IFT52: variants seen among roughly 807,000 people sequenced by gnomAD.
IFT52 encodes the protein intraflagellar transport protein 52 homolog.
IFT52 carries 44 observed loss-of-function variants against 54.4 expected under a neutral mutation model. That is an observed-to-expected ratio of 0.81 (90% CI 0.63 to 1.04). IFT52 has a LOEUF of 1.04. Ranked by LOEUF, IFT52 falls within the 50% of genes least tolerant of loss-of-function variation. The pLI is 0.00. For synonymous variants in IFT52, 181 were observed against 185.3 expected (o/e 0.98, Z 0.19); for missense variants, 452 against 523.6 (o/e 0.86, Z 1.33).
rs1984265660 is a variant in IFT52 at position 43,621,085 on chromosome 20, A to T, written c.768+160A>T. ...GGGAGATGAAGGCCATATTGTAAAA[A>T]ATAAGTCAATAAACAATATATGTAA... is the stretch of plus-strand genomic sequence containing the variant. On this transcript the variant is annotated intron_variant, in intron 9 of 13. Transcript: ENST00000373030. 5.4e-6 allele frequency: 3 copies of T among 553,162 alleles called. No homozygotes were observed. The African/African-American group carries it at 5.7e-5, about 10-fold the overall frequency. The allele number at this position is 553,162 out of a possible 1,614,324, so 34.3% of individuals were successfully genotyped here.
intron 12 of IFT52, among the ~76,000 whole-genome samples, chr20:43,641,442 T>C (rs1985915095): frequency 6.6e-6 from 1 of 151,726 alleles, no homozygotes; most frequent in Non-Finnish European, 1.5e-5. Flanking sequence ...TTCTCCATGT[T>C]GGTCAGGCTG....
intron 3 of IFT52, among the ~76,000 whole-genome samples, chr20:43,598,784 A>G (rs1259038955): frequency 2.6e-5 from 4 of 152,206 alleles, no homozygotes; most frequent in East Asian, 1.9e-4. Flanking sequence ...GTTTTTTCAC[A>G]GTCAATAAAA....
intron 12 of IFT52, chr20:43,642,196 G>T: frequency 3.2e-6 from 1 of 309,428 alleles, no homozygotes; most frequent in Admixed American, 4.7e-5. Flanking sequence ...TCCTACTGTT[G>T]CACCTGTTCT....
chr20:43,615,815 G>A (rs150272816), intron 7 of IFT52, among the ~76,000 whole-genome samples: 3 of 152,228 alleles, frequency 2.0e-5, no homozygotes, highest in Middle Eastern at 3.4e-3. Flanking sequence ...GGTGGCACGC[G>A]CCTGTAATCC....
intron 9 of IFT52, among the ~76,000 whole-genome samples, chr20:43,622,908 GTC>G (rs1984449541): frequency 6.6e-6 from 1 of 151,184 alleles, no homozygotes; most frequent in Non-Finnish European, 1.5e-5. Flanking sequence ...TCTTTTACTA[GTC>G]CACAGCATGT....
chr20:43,637,428 A>G lies in IFT52; in HGVS notation c.1120+175A>G, dbSNP rs537751383. Among the ~76,000 whole-genome samples, 20 of 152,132 alleles carry G rather than the reference A, an allele frequency of 1.3e-4. No individual in the cohort carries two copies. In the South Asian group the frequency reaches 3.5e-3, roughly 27 times the overall value. On this transcript the variant is annotated intron_variant, in intron 12 of 13. Coordinates refer to ENST00000373030, the MANE Select transcript of IFT52 (RefSeq NM_016004.5). The stretch of plus-strand genomic sequence containing the variant: ...CAGGCATGCGCCACCACGCCCAGCT[A>G]ATTTTTGTATTTTTAGTAGAGACGG...
intron 2 of IFT52, among the ~76,000 whole-genome samples, chr20:43,596,124 T>A (rs1197744298): frequency 1.3e-5 from 2 of 152,190 alleles, no homozygotes; most frequent in Admixed American, 6.5e-5. Context: ...TCTTAATAGG[T>A]GAGGATATGT....
At chr20:43,642,905 G>A (rs1269021053) in intron 13 of IFT52, among the ~76,000 whole-genome samples, 6 of 152,034 alleles carry the variant, frequency 3.9e-5, no homozygotes, top group Non-Finnish European at 7.4e-5. Context: ...AGTGGCTCAC[G>A]CCTGTAATCC....
At position 43,613,920 on chromosome 20, in the gene IFT52, A is replaced by G. The variant is rs1983651325; in HGVS notation, c.556A>G (p.Thr186Ala). 2.5e-6 allele frequency: 4 copies of G among 1,614,070 alleles called. No homozygotes were observed. Among genetic ancestry groups the G allele is most frequent in the Non-Finnish European group, 3.4e-6 (4 of 1,179,936 alleles). ...GAAACCAGCAGTGGCGGTTCTGTCT[A>G]CAGGTTCTGTCTGCTTCCCACTTAA... Reference protein sequence around the residue: ...VMKPAVAVLSTGSVCFPLNRP... With the variant: ...VMKPAVAVLSAGSVCFPLNRP... The change falls in exon 7 of 14, where the codon ACA (threonine) becomes GCA (alanine). Residue 186 changes from threonine to alanine, a missense_variant. Transcript: ENST00000373030.
At chr20:43,638,618 TA>T (rs1367119866) in intron 12 of IFT52, among the ~76,000 whole-genome samples, 3 of 152,090 alleles carry the variant, frequency 2.0e-5, no homozygotes, top group Non-Finnish European at 4.4e-5. Flanking sequence ...AAATATATTT[TA>T]AAAAAATAAC....
intron 13 of IFT52, among the ~76,000 whole-genome samples, chr20:43,643,164 C>CAA (rs142320243): frequency 3.8e-4 from 53 of 138,584 alleles, no homozygotes; most frequent in East Asian, 1.5e-3. Flanking sequence ...GACTCTGTCT[C>CAA]AAAAAAAAAC....
Position 43,605,053 on chromosome 20 carries a change from A to G in IFT52, c.465A>G (p.Glu155=). 6.2e-7 allele frequency: 1 copy of G among 1,613,676 alleles called. No individual in the cohort carries two copies. The highest frequency in any genetic ancestry group is 8.5e-7 in the Non-Finnish European group (1 of 1,179,828). ...GKAVPGIIDE[E]SSGNNAQALT... is the part of the protein sequence containing the mutation. ...CTGTGCCTGGGATCATTGATGAGGA[A>G]AGCAGTGGAAACAATGCCCAGTGAG... The change falls in exon 6 of 14, where the codon GAA becomes GAG. Residue 155 remains glutamate, a synonymous_variant. Transcript: ENST00000373030.
intron 10 of IFT52, among the ~76,000 whole-genome samples, chr20:43,635,005 T>C (rs1985426778): frequency 6.6e-6 from 1 of 151,858 alleles, no homozygotes; most frequent in South Asian, 2.1e-4. Context: ...CCATCTCTAC[T>C]AAAAATACAA....
intron 9 of IFT52, among the ~76,000 whole-genome samples, chr20:43,621,745 G>A (rs1984317252): frequency 1.3e-5 from 2 of 152,232 alleles, no homozygotes; most frequent in South Asian, 2.1e-4. Context: ...TTACAGGCGT[G>A]AGCCACTGGG....
intron 3 of IFT52, among the ~76,000 whole-genome samples, chr20:43,602,351 G>A (rs189236327): frequency 1.1e-4 from 17 of 151,800 alleles, no homozygotes; most frequent in African/African-American, 3.1e-4. Flanking sequence ...TAGTAGACAC[G>A]GGGTTTCACC....
intron 2 of IFT52, among the ~76,000 whole-genome samples, chr20:43,595,622 A>G (rs1981894089): frequency 6.6e-6 from 1 of 152,122 alleles, no homozygotes; most frequent in Admixed American, 6.5e-5. Flanking sequence ...GCGGTGGCTC[A>G]TGCCTGTAAT....
intron 8 of IFT52, among the ~76,000 whole-genome samples, chr20:43,619,258 T>C (rs1387832580): frequency 6.6e-6 from 1 of 152,104 alleles, no homozygotes; most frequent in Non-Finnish European, 1.5e-5. Flanking sequence ...AGGGTGTTTC[T>C]GAGCATGTCA....
intron 7 of IFT52, 142 bp downstream of exon 7, chr20:43,614,118 A>C (rs964415644): frequency 2.8e-6 from 2 of 723,726 alleles, no homozygotes; most frequent in Non-Finnish European, 4.5e-6. Flanking sequence ...TCAGCTATAT[A>C]CATTTTGCTT....
At chr20:43,621,033 G>T in intron 9 of IFT52, 108 bp downstream of exon 9, 7 of 761,870 alleles carry the variant, frequency 9.2e-6, no homozygotes, top group Non-Finnish European at 1.6e-5. Flanking sequence ...TCATCTGTAA[G>T]ACAGATGGAA....
Sources: gnomAD v4.1 joint callset for allele counts (sites outside exome capture counted in the v4.1 genomes callset) on GRCh38, gnomAD v4.1.1 for gene constraint, MANE v1.5 for transcripts, NCBI Gene and HGNC (gene_info 2026-07-23, HGNC 2026-07-21) for gene names.